NUCB2: variants seen among roughly 807,000 people sequenced by gnomAD.
NUCB2 encodes the protein nucleobindin 2.
In NUCB2, 48 loss-of-function variants were observed where a neutral mutation model predicts 57.9. The observed-to-expected ratio is 0.83, with a 90% CI of 0.66 to 1.05. The LOEUF (loss-of-function observed/expected upper bound fraction) is 1.05, where lower values mean the gene tolerates loss of function less well. Among genes scored for constraint, NUCB2 ranks in the 50% least tolerant of loss-of-function variants. The probability of loss-of-function intolerance (pLI) is 0.00; values close to 1 mark genes in which losing one functional copy is unlikely to be tolerated. For missense variants in NUCB2, 442 were observed against 476.2 expected (o/e 0.93, Z 0.67); for synonymous variants, 139 against 152.1 (o/e 0.91, Z 0.64).
chr11:17,316,205 C>T (rs1949224285), intron 11 of NUCB2, among the ~76,000 whole-genome samples: 1 of 152,040 alleles, frequency 6.6e-6, no homozygotes, highest in African/African-American at 2.4e-5. Context: ...CTCCTGACCT[C>T]GTGATTCACC....
intron 2 of NUCB2, among the ~76,000 whole-genome samples, chr11:17,285,876 T>C (rs1324693529): frequency 6.6e-6 from 1 of 151,640 alleles, no homozygotes; most frequent in Admixed American, 6.6e-5. Context: ...ACTTCCAGGA[T>C]ATCTTGCCCA....
At chr11:17,316,661 CA>C (rs1949290460) in intron 11 of NUCB2, among the ~76,000 whole-genome samples, 2 of 152,142 alleles carry the variant, frequency 1.3e-5, no homozygotes, top group African/African-American at 4.8e-5. Context: ...AAAAGTATAT[CA>C]ACTTGTAACA....
At chr11:17,341,855 CT>C (rs1952296488) in intron 2 of NUCB2, among the ~76,000 whole-genome samples, 1 of 152,200 alleles carries the variant, frequency 6.6e-6, no homozygotes, top group East Asian at 1.9e-4. Context: ...AGGATTCCCT[CT>C]TTTTCTATTG....
chr11:17,335,112 AT>A (rs910584189), downstream of NUCB2, among the ~76,000 whole-genome samples: 166 of 151,448 alleles, frequency 1.1e-3, no homozygotes, highest in African/African-American at 3.8e-3. Flanking sequence ...AGTGCTTGCT[AT>A]TTTTTTTAAG....
chr11:17,349,169 G>T lies in NUCB2; in HGVS notation n.2627-176G>T, dbSNP rs561329089. On this transcript the variant is annotated intron_variant and non_coding_transcript_variant, in intron 2 of 2. Coordinates refer to the NUCB2 transcript ENST00000532240. Reference sequence around the variant, plus strand: ...CTAACATGTGTACTCACATACACAGGTGTTAGCTTTTCAGAGACTTACAAG... The same window carrying T: ...CTAACATGTGTACTCACATACACAGTTGTTAGCTTTTCAGAGACTTACAAG... Among the ~76,000 whole-genome samples, 132 of 152,302 alleles carry T rather than the reference G, an allele frequency of 8.7e-4. 2 individuals are homozygous for T. In the South Asian group the frequency reaches 0.026, roughly 30 times the overall value.
intron 1 of NUCB2, among the ~76,000 whole-genome samples, chr11:17,282,246 A>ATCTATCTATCTGTC (rs60362648): frequency 1.3e-4 from 14 of 111,462 alleles, no homozygotes; most frequent in South Asian, 8.9e-4. Context: ...CTATATATAT[A>ATCTATCTATCTGTC]TATATATATA....
chr11:17,282,236 C>CTATATA (rs71457870), intron 1 of NUCB2, among the ~76,000 whole-genome samples: 59 of 104,084 alleles, frequency 5.7e-4, no homozygotes, highest in Non-Finnish European at 6.5e-4. Context: ...ATCTATCTAT[C>CTATATA]TATATATATA....
Position 17,287,602 on chromosome 11 carries a change from A to T in NUCB2, c.-1+4659A>T, listed in dbSNP as rs12294998. Among the ~76,000 whole-genome samples, 682 of 147,532 alleles carry T rather than the reference A, an allele frequency of 4.6e-3. 8 individuals are homozygous for T. Among genetic ancestry groups the T allele is most frequent in the African/African-American group, 0.017 (652 of 39,450 alleles). ...GCAGGAGAATCGCTTGAACCTGGGA[A>T]GTGAAGGCTGCAGTGAGCCAAGATT... On this transcript the variant is annotated intron_variant, in intron 2 of 13. Transcript: ENST00000529010.
intron 1 of NUCB2, among the ~76,000 whole-genome samples, chr11:17,277,816 G>A (rs1035465119): frequency 3.3e-5 from 5 of 152,194 alleles, no homozygotes; most frequent in African/African-American, 1.2e-4. Flanking sequence ...TTAAAGAATT[G>A]ATGAGATAGA....
At chr11:17,328,611 T>G (rs1950986792) in intron 11 of NUCB2, among the ~76,000 whole-genome samples, 1 of 152,178 alleles carries the variant, frequency 6.6e-6, no homozygotes, top group Non-Finnish European at 1.5e-5. Context: ...CATGGGGTTC[T>G]GCCAGCCACT....
At chr11:17,323,375 T>C (rs78825863) in intron 11 of NUCB2, among the ~76,000 whole-genome samples, 261 of 152,312 alleles carry the variant, frequency 1.7e-3, no homozygotes, top group African/African-American at 4.0e-3. Flanking sequence ...ATATATCATA[T>C]TGATTTGTGT....
chr11:17,288,549 CTTCT>C (rs1331771307), intron 2 of NUCB2, among the ~76,000 whole-genome samples: 1 of 75,866 alleles, frequency 1.3e-5, no homozygotes, highest in African/African-American at 6.2e-5. Flanking sequence ...TCTTCTTCTT[CTTCT>C]TTTTTTTTTT....
chr11:17,335,713 G>A (rs1428503448), downstream of NUCB2, among the ~76,000 whole-genome samples: 1 of 152,154 alleles, frequency 6.6e-6, no homozygotes, highest in Non-Finnish European at 1.5e-5. Flanking sequence ...TATTGGTCAG[G>A]CTGGCCTTGA....
intron 10 of NUCB2, among the ~76,000 whole-genome samples, chr11:17,313,349 G>A (rs1012115797): frequency 6.6e-6 from 1 of 151,916 alleles, no homozygotes; most frequent in Non-Finnish European, 1.5e-5. Context: ...GGCAAACATG[G>A]TGAAACCCTG....
At chr11:17,317,068 G>A (rs534023777) in intron 11 of NUCB2, among the ~76,000 whole-genome samples, 4 of 152,236 alleles carry the variant, frequency 2.6e-5, no homozygotes, top group African/African-American at 9.6e-5. Context: ...TCCCTTTAGT[G>A]CATCTGGTAG....
downstream of NUCB2, chr11:17,332,504 A>C (rs1336061107): frequency 6.7e-6 from 1 of 148,490 alleles, no homozygotes; most frequent in Non-Finnish European, 1.5e-5. Context: ...TTCTTCCGAG[A>C]GAGAAAACAC....
intron 11 of NUCB2, among the ~76,000 whole-genome samples, chr11:17,323,129 T>C (rs1212852409): frequency 6.6e-6 from 1 of 152,146 alleles, no homozygotes; most frequent in African/African-American, 2.4e-5. Context: ...TGAATAACAG[T>C]GGTGAAAGCG....
intron 2 of NUCB2, among the ~76,000 whole-genome samples, chr11:17,342,908 T>C (rs1475208459): frequency 1.3e-5 from 2 of 152,198 alleles, no homozygotes; most frequent in East Asian, 3.9e-4. Context: ...ATGTTGACAG[T>C]GGGGTGTTAA....
chr11:17,305,290 CT>C (rs916397960), intron 5 of NUCB2, among the ~76,000 whole-genome samples: 21 of 152,060 alleles, frequency 1.4e-4, no homozygotes, highest in African/African-American at 5.1e-4. Context: ...CACTATTGCA[CT>C]CCAGCCTGGG....
Sources: allele counts gnomAD v4.1 joint callset (sites outside exome capture counted in the v4.1 genomes callset), GRCh38; gene constraint gnomAD v4.1.1; transcripts MANE v1.5; gene names NCBI Gene and HGNC (gene_info 2026-07-23, HGNC 2026-07-21).